Variants in CEP83 observed in about 807,000 individuals in gnomAD.
CEP83 encodes the protein centrosomal protein 83, also known as centrosomal protein of 83 kDa.
In CEP83, 70 loss-of-function variants were observed where a neutral mutation model predicts 101.9. The ratio of observed to expected loss-of-function variants is 0.69; its 90% CI spans 0.57 to 0.84. CEP83 has a LOEUF of 0.84. Ranked by LOEUF, CEP83 falls within the 40% of genes least tolerant of loss-of-function variation. The probability of loss-of-function intolerance (pLI) is 0.00; values close to 1 mark genes in which losing one functional copy is unlikely to be tolerated. For missense variants in CEP83, 715 were observed against 787.2 expected, an observed-to-expected ratio of 0.91 and a Z score of 1.10; for synonymous variants, 264 against 267.9, an observed-to-expected ratio of 0.99 and a Z score of 0.14.
chr12:94,283,195 G>A, the CEP83 span, among the ~76,000 whole-genome samples: 1 of 152,196 alleles, frequency 6.6e-6, no homozygotes, highest in Non-Finnish European at 1.5e-5. Context: ...CACCTTGCGT[G>A]TAGTAGTGCT....
At chr12:94,460,147 C>G (rs1442030898), upstream of CEP83, 1 of 152,052 alleles carries the variant, frequency 6.6e-6, no homozygotes, top group Non-Finnish European at 1.5e-5. Flanking sequence ...CTGGGATGGA[C>G]TCAGAGATCC....
Position 94,420,735 on chromosome 12 carries a change from A to G in CEP83, c.-101-8144T>C, listed in dbSNP as rs372653459. Among the ~76,000 whole-genome samples the G allele has an allele frequency of 4.6e-5, 7 of 152,294 alleles. 1 individual carries two copies. Among genetic ancestry groups the G allele is most frequent in the African/African-American group, 1.7e-4 (7 of 41,562 alleles). On this transcript the variant is annotated intron_variant, in intron 2 of 16. Transcript: ENST00000397809. The stretch of plus-strand genomic sequence containing the variant: ...ACTCTATATATATAGGGTGAATATT[A>G]CAGACATATTGTCCAGAAGAAGCCA...
At chr12:94,349,140 G>A (rs1311286386) in intron 11 of CEP83, among the ~76,000 whole-genome samples, 1 of 151,938 alleles carries the variant, frequency 6.6e-6, no homozygotes, top group Non-Finnish European at 1.5e-5. Context: ...ACAAAAATTA[G>A]CTAGGTGTGG....
At chr12:94,332,402 T>C (rs1248543392) in intron 13 of CEP83, among the ~76,000 whole-genome samples, 1 of 152,164 alleles carries the variant, frequency 6.6e-6, no homozygotes, top group Non-Finnish European at 1.5e-5. Context: ...GCAGTACTAA[T>C]GAAAATAACA....
At chr12:94,303,625 G>A, downstream of CEP83, 1 of 706,346 alleles carries the variant, frequency 1.4e-6, no homozygotes, top group Non-Finnish European at 2.2e-6. Flanking sequence ...ATGAAGCCTT[G>A]TTAGCAAGAG....
chr12:94,291,944 C>G, the CEP83 span, among the ~76,000 whole-genome samples: 1 of 152,144 alleles, frequency 6.6e-6, no homozygotes, highest in Non-Finnish European at 1.5e-5. Context: ...GTCTACTGCT[C>G]CCATCTTTAT....
chr12:94,298,654 A>G, the CEP83 span: 1 of 1,600,166 alleles, frequency 6.2e-7, no homozygotes, highest in Admixed American at 1.8e-5. Flanking sequence ...TCTGTGCTTG[A>G]AAAACTTTTT....
Position 94,331,805 on chromosome 12 carries a change from C to T in CEP83, c.1602G>A (p.Gln534=). 1 of 1,613,020 alleles carries T rather than the reference C, an allele frequency of 6.2e-7. No individual in the cohort carries two copies. The highest frequency in any genetic ancestry group is 2.2e-5 in the East Asian group (1 of 44,878). The stretch of plus-strand genomic sequence containing the variant: ...GAAGCTTATGCTTTTCTTCCAACCA[C>T]TGTATCTGTTTCTCTTCCAATGTCC... ...AEKTLEEKQI[Q]WLEEKHKLHE... is the part of the protein sequence containing the mutation. Residue 534 remains glutamine (Q), a synonymous_variant, in exon 14 of 17, where the codon CAG becomes CAA. Transcript: ENST00000397809.
intron 6 of CEP83, among the ~76,000 whole-genome samples, chr12:94,379,358 A>G (rs1039718305): frequency 6.6e-6 from 1 of 152,166 alleles, no homozygotes; most frequent in African/African-American, 2.4e-5. Flanking sequence ...AAAATTCATC[A>G]TAACATTATA....
chr12:94,434,318 CA>C (rs1261178526), intron 2 of CEP83, among the ~76,000 whole-genome samples: 3 of 151,986 alleles, frequency 2.0e-5, no homozygotes, highest in Non-Finnish European at 4.4e-5. Flanking sequence ...TGTTTATACA[CA>C]AAAAAATGTA....
chr12:94,444,321 G>A (rs936225665), intron 1 of CEP83, among the ~76,000 whole-genome samples: 5 of 152,102 alleles, frequency 3.3e-5, no homozygotes, highest in Admixed American at 6.6e-5. Context: ...TCACTTGAAC[G>A]TGGGATGCAG....
chr12:94,390,391 T>C (rs2137370324), intron 6 of CEP83, among the ~76,000 whole-genome samples: 1 of 152,124 alleles, frequency 6.6e-6, no homozygotes, highest in South Asian at 2.1e-4. Context: ...GAACTGACTG[T>C]TAGGAGGAAA....
chr12:94,393,467 A>G (rs909640121), intron 6 of CEP83, among the ~76,000 whole-genome samples: 99 of 152,328 alleles, frequency 6.5e-4, no homozygotes, highest in Non-Finnish European at 9.7e-4. Context: ...GTATTGATGG[A>G]ACGTATCTCA....
chr12:94,446,033 T>C (rs1211896928), intron 1 of CEP83, among the ~76,000 whole-genome samples: 3 of 152,238 alleles, frequency 2.0e-5, no homozygotes, highest in Admixed American at 6.5e-5. Flanking sequence ...AAAGCACTCT[T>C]ATCAAGCCTG....
At chr12:94,379,513 TG>T (rs2061721586) in intron 6 of CEP83, among the ~76,000 whole-genome samples, 1 of 152,050 alleles carries the variant, frequency 6.6e-6, no homozygotes, top group South Asian at 2.1e-4. Flanking sequence ...TAAAAGCAAA[TG>T]TGATTGATGA....
chr12:94,343,791 C>T lies in CEP83; in HGVS notation c.1344-8127G>A, dbSNP rs187360283. Among the ~76,000 whole-genome samples, 622 of 151,992 alleles carry T rather than the reference C, an allele frequency of 4.1e-3. 2 individuals carry two copies. The highest frequency in any genetic ancestry group is 0.014 in the African/African-American group (577 of 41,546). ...TACAGGCGTGAGCCACCGCGCCCAG[C>T]CGAAATTAACTTTTTAAAAAGGTTC... On this transcript the variant is annotated intron_variant, in intron 11 of 16. Transcript: ENST00000397809.
In CEP83 at chr12:94,335,889, A is replaced by G. The variant is rs4761474; in HGVS notation, c.1344-225T>C. ...TACAAACTAGGGGCATAGAGAGGAT[A>G]AGAAATCAAGTCTGTCCAGGGGTAC... On this transcript the variant is annotated intron_variant, in intron 11 of 16. Transcript: ENST00000397809. 0.99 allele frequency: 450,952 copies of G among 455,736 alleles called. 223,130 individuals are homozygous for G. Among genetic ancestry groups the G allele is most frequent in the East Asian group, 1 (23,119 of 23,120 alleles). 28.2% of individuals were successfully genotyped at this position (455,736 alleles called of 1,614,324 possible). A position where few individuals can be genotyped will look rare whatever the true frequency, so the allele number is the denominator to read the frequency against.
At chr12:94,386,617 A>G (rs1324628488) in intron 6 of CEP83, among the ~76,000 whole-genome samples, 2 of 152,132 alleles carry the variant, frequency 1.3e-5, no homozygotes, top group South Asian at 4.1e-4. Context: ...CTTCCCTCAG[A>G]TCTGCCCTGT....
At chr12:94,400,531 CT>C (rs934236156) in intron 6 of CEP83, among the ~76,000 whole-genome samples, 13 of 152,160 alleles carry the variant, frequency 8.5e-5, no homozygotes, top group African/African-American at 3.1e-4. Context: ...AGGAATCACA[CT>C]AACTATATTT....
Sources: allele counts gnomAD v4.1 joint callset (sites outside exome capture counted in the v4.1 genomes callset), GRCh38; gene constraint gnomAD v4.1.1; transcripts MANE v1.5; gene names NCBI Gene and HGNC (gene_info 2026-07-23, HGNC 2026-07-21).